The following PLEKHA5 variants were observed in gnomAD, a reference collection of about 807,000 sequenced individuals.
The protein encoded by PLEKHA5 is pleckstrin homology domain containing A5.
In PLEKHA5, 55 loss-of-function variants were observed where a neutral mutation model predicts 181.9. The observed-to-expected ratio is 0.30, with a 90% CI of 0.24 to 0.38. The LOEUF (loss-of-function observed/expected upper bound fraction) is 0.38, where lower values mean the gene tolerates loss of function less well. PLEKHA5 is among the 10% of genes least tolerant of loss of function. PLEKHA5 has a pLI of 1.00. For synonymous variants in PLEKHA5, 535 were observed against 529.4 expected (o/e 1.01, Z -0.15); for missense variants, 1,432 against 1,549.5 (o/e 0.92, Z 1.27).
chr12:19,172,210 C>G (rs918173637), intron 3 of PLEKHA5, among the ~76,000 whole-genome samples: 1 of 152,174 alleles, frequency 6.6e-6, no homozygotes, highest in Non-Finnish European at 1.5e-5. Flanking sequence ...TTTACATCAG[C>G]ATCACTACAA....
At chr12:19,251,690 C>T (rs1301432484) in intron 3 of PLEKHA5, among the ~76,000 whole-genome samples, 2 of 130,540 alleles carry the variant, frequency 1.5e-5, no homozygotes, top group African/African-American at 2.9e-5. Flanking sequence ...TTCCAGCAAG[C>T]GTTATAGCAG....
chr12:19,215,453 A>G (rs958247370), intron 3 of PLEKHA5, among the ~76,000 whole-genome samples: 58 of 152,202 alleles, frequency 3.8e-4, no homozygotes, highest in Non-Finnish European at 3.1e-4. Context: ...TTAACAGCTA[A>G]CATTTTATCC....
At chr12:19,133,274 C>A (rs2034561136) in intron 3 of PLEKHA5, among the ~76,000 whole-genome samples, 1 of 151,900 alleles carries the variant, frequency 6.6e-6, no homozygotes, top group Non-Finnish European at 1.5e-5. Context: ...CTTAGTACTA[C>A]TTGGAGACAA....
At chr12:19,363,522 C>T (rs1278369841) in intron 29 of PLEKHA5, among the ~76,000 whole-genome samples, 3 of 149,746 alleles carry the variant, frequency 2.0e-5, no homozygotes, top group Non-Finnish European at 4.4e-5. Flanking sequence ...GACAGAGTCT[C>T]ACTCTGTCAC....
chr12:19,179,480 G>A (rs183776717), intron 3 of PLEKHA5, among the ~76,000 whole-genome samples: 5 of 152,076 alleles, frequency 3.3e-5, no homozygotes, highest in Admixed American at 6.6e-5. Context: ...AACATGGAGC[G>A]AAAGCCCGTC....
chr12:19,230,725 C>G (rs1367492240), intron 3 of PLEKHA5, among the ~76,000 whole-genome samples: 2 of 152,100 alleles, frequency 1.3e-5, no homozygotes, highest in African/African-American at 4.8e-5. Context: ...CCGGTTCCCA[C>G]CGGCACCTCT....
intron 8 of PLEKHA5, among the ~76,000 whole-genome samples, chr12:19,268,949 A>G (rs953776388): frequency 1.3e-5 from 2 of 152,020 alleles, no homozygotes; most frequent in African/African-American, 4.8e-5. Context: ...AGATACCTAT[A>G]AAGGATTCTA....
intron 3 of PLEKHA5, among the ~76,000 whole-genome samples, chr12:19,245,815 G>T (rs1284819856): frequency 1.3e-5 from 2 of 151,232 alleles, no homozygotes; most frequent in South Asian, 4.2e-4. Flanking sequence ...GCCACCTTGG[G>T]CTTGAGAGGA....
At chr12:19,200,866 G>A (rs2054026006) in intron 3 of PLEKHA5, 1 of 160,488 alleles carries the variant, frequency 6.2e-6, no homozygotes, top group South Asian at 2.0e-4. Context: ...CAAAAATTAA[G>A]TGGATTATTG....
chr12:19,161,111 T>A (rs550353761), intron 3 of PLEKHA5, among the ~76,000 whole-genome samples: 1 of 152,340 alleles, frequency 6.6e-6, no homozygotes, highest in African/African-American at 2.4e-5. Flanking sequence ...AGAGCTATAT[T>A]AATATTTTAA....
At chr12:19,317,202 G>A (rs901988566) in intron 16 of PLEKHA5, among the ~76,000 whole-genome samples, 2 of 152,080 alleles carry the variant, frequency 1.3e-5, no homozygotes, top group Admixed American at 1.3e-4. Flanking sequence ...CCCTGTCTCT[G>A]CAAAATATAA....
intron 3 of PLEKHA5, among the ~76,000 whole-genome samples, chr12:19,215,891 TATAATATTGAGTTGGGTATGAATTAC>T (rs2057876382): frequency 6.6e-6 from 1 of 152,236 alleles, no homozygotes. Flanking sequence ...GAAAAGGTTG[TATAATATTGAGTTGGGTATGAATTAC>T]ATTTATTTTT....
chr12:19,308,423 T>C (rs2084952167), intron 15 of PLEKHA5, among the ~76,000 whole-genome samples: 1 of 152,206 alleles, frequency 6.6e-6, no homozygotes, highest in Non-Finnish European at 1.5e-5. Context: ...GAAAATGGTA[T>C]GATGTAAGCA....
At chr12:19,190,806 A>G (rs142720570) in intron 3 of PLEKHA5, among the ~76,000 whole-genome samples, 54 of 152,308 alleles carry the variant, frequency 3.5e-4, no homozygotes, top group Admixed American at 1.6e-3. Context: ...TCTCAAGATA[A>G]GCAGAACTGA....
At chr12:19,301,349 A>T (rs1039252029) in intron 15 of PLEKHA5, among the ~76,000 whole-genome samples, 1 of 152,100 alleles carries the variant, frequency 6.6e-6, no homozygotes, top group Non-Finnish European at 1.5e-5. Context: ...ACAGTAAAAG[A>T]TTTTTTTTAA....
intron 7 of PLEKHA5, 73 bp from the exon 8 acceptor site, chr12:19,265,677 A>G (rs1435165669): frequency 2.3e-6 from 2 of 854,736 alleles, no homozygotes; most frequent in Non-Finnish European, 3.9e-6. Context: ...TTGATTTGGC[A>G]AAAATAGATC....
At chr12:19,352,538 A>C (rs1351250119) in intron 25 of PLEKHA5, among the ~76,000 whole-genome samples, 2 of 150,916 alleles carry the variant, frequency 1.3e-5, no homozygotes, top group Admixed American at 1.3e-4. Flanking sequence ...CTAACTTGTT[A>C]ACGATGATGA....
At chr12:19,363,688 C>T (rs996358609) in intron 29 of PLEKHA5, among the ~76,000 whole-genome samples, 2 of 151,786 alleles carry the variant, frequency 1.3e-5, no homozygotes, top group African/African-American at 2.4e-5. Context: ...GACGGGGTTT[C>T]GCCATGTTGG....
intron 3 of PLEKHA5, among the ~76,000 whole-genome samples, chr12:19,138,707 C>T (rs538915800): frequency 1.3e-5 from 2 of 152,138 alleles, no homozygotes; most frequent in South Asian, 2.1e-4. Context: ...AGATGGGATT[C>T]ACTTTCAGAT....
Sources: allele counts gnomAD v4.1 joint callset (sites outside exome capture counted in the v4.1 genomes callset), GRCh38; gene constraint gnomAD v4.1.1; transcripts MANE v1.5; gene names NCBI Gene and HGNC (gene_info 2026-07-23, HGNC 2026-07-21).